Variants in CTNND2 observed in about 807,000 individuals in gnomAD.
CTNND2 encodes the protein catenin delta 2.
A neutral mutation model predicts 144.4 loss-of-function variants in CTNND2; 22 were observed. The ratio of observed to expected loss-of-function variants is 0.15; its 90% CI spans 0.11 to 0.22. The LOEUF is 0.22. CTNND2 is among the 10% of genes least tolerant of loss of function. The pLI, the probability that CTNND2 is intolerant of heterozygous loss-of-function variation, is 1.00. For synonymous variants in CTNND2, 751 were observed against 695.6 expected (o/e 1.08, Z -1.25); for missense variants, 1,353 against 1,618.8 (o/e 0.84, Z 2.82).
At chr5:11,643,583 G>A (rs1782182816) in intron 2 of CTNND2, among the ~76,000 whole-genome samples, 1 of 151,700 alleles carries the variant, frequency 6.6e-6, no homozygotes, top group South Asian at 2.1e-4. Flanking sequence ...TTTTATGGCT[G>A]CATAGTATTC....
At chr5:11,672,610 G>C (rs1051643091) in intron 2 of CTNND2, among the ~76,000 whole-genome samples, 1 of 152,098 alleles carries the variant, frequency 6.6e-6, no homozygotes, top group African/African-American at 2.4e-5. Context: ...CAGCAATGGC[G>C]GACGCCCCTC....
intron 2 of CTNND2, among the ~76,000 whole-genome samples, chr5:11,566,362 G>C (rs1272567428): frequency 6.6e-6 from 1 of 152,124 alleles, no homozygotes; most frequent in East Asian, 1.9e-4. Flanking sequence ...CAAGATCTCG[G>C]CTGAATGTAT....
At chr5:11,750,394 G>A (rs1168559741) in intron 1 of CTNND2, among the ~76,000 whole-genome samples, 2 of 151,880 alleles carry the variant, frequency 1.3e-5, no homozygotes, top group African/African-American at 4.8e-5. Flanking sequence ...TCTACCCACA[G>A]AGGATATGTT....
Position 11,184,883 on chromosome 5 carries a change from C to T in CTNND2, c.1975+14565G>A, listed in dbSNP as rs959271118. The stretch of plus-strand genomic sequence containing the variant: ...GGCAAATATGGATGGAAGGAGAAGA[C>T]CAGACTGTTTGAACCCGCAGCACTC... On this transcript the variant is annotated intron_variant, in intron 11 of 21. Transcript: ENST00000304623. Among the ~76,000 whole-genome samples the T allele has an allele frequency of 3.3e-5, 5 of 152,124 alleles. 1 individual carries two copies. The highest frequency in any genetic ancestry group is 1.3e-4 in the Admixed American group (2 of 15,276).
intron 1 of CTNND2, among the ~76,000 whole-genome samples, chr5:11,778,811 C>T (rs529834015): frequency 4.6e-5 from 7 of 152,228 alleles, no homozygotes; most frequent in South Asian, 4.2e-4. Flanking sequence ...ATTAATCATG[C>T]CAAATGTACC....
chr5:11,554,754 C>T (rs932412488), intron 3 of CTNND2, among the ~76,000 whole-genome samples: 42 of 151,954 alleles, frequency 2.8e-4, no homozygotes, highest in African/African-American at 9.2e-4. Flanking sequence ...GTTCCACATT[C>T]GGAGGACATC....
At chr5:11,786,382 T>C (rs1368709744) in intron 1 of CTNND2, among the ~76,000 whole-genome samples, 1 of 152,236 alleles carries the variant, frequency 6.6e-6, no homozygotes, top group African/African-American at 2.4e-5. Flanking sequence ...TTTCCCAAGA[T>C]GCTCTCTGTC....
At chr5:11,767,082 T>G (rs192114005) in intron 1 of CTNND2, among the ~76,000 whole-genome samples, 1 of 152,136 alleles carries the variant, frequency 6.6e-6, no homozygotes, top group South Asian at 2.1e-4. Flanking sequence ...CCAGCAGCAT[T>G]AGCTATCATC....
chr5:11,519,563 G>A (rs540613457), intron 3 of CTNND2, among the ~76,000 whole-genome samples: 2 of 150,622 alleles, frequency 1.3e-5, no homozygotes, highest in South Asian at 2.1e-4. Context: ...AGGCCTAGAC[G>A]ATTGGCGTCT....
Position 11,761,100 on chromosome 5 carries a change from C to T in CTNND2, c.38-28828G>A, listed in dbSNP as rs115756937. ...ATGATGTCAATAATTCCACCAAAGA[C>T]GATACCGAGTGTTGAAGGGCTCTTT... is the stretch of plus-strand genomic sequence containing the variant. On this transcript the variant is annotated intron_variant, in intron 1 of 21. Transcript: ENST00000304623. Among the ~76,000 whole-genome samples, 601 of 152,236 alleles carry T rather than the reference C, an allele frequency of 3.9e-3. 4 individuals carry two copies. Among genetic ancestry groups the T allele is most frequent in the African/African-American group, 0.013 (557 of 41,542 alleles).
rs535414776 is a variant in CTNND2, at chr5:11,198,003, C to T, written c.1975+1445G>A. 1.8e-4 allele frequency among the ~76,000 whole-genome samples: 28 copies of T among 152,298 alleles called. 1 individual carries two copies. Among genetic ancestry groups the T allele is most frequent in the African/African-American group, 5.3e-4 (22 of 41,568 alleles). ...CTTCCTTTCTCGTGGCTTCATGTAT[C>T]TGTTGGTGGAGTCTTACTGCACGGA... On this transcript the variant is annotated intron_variant, in intron 11 of 21. Coordinates refer to ENST00000304623, the MANE Select transcript of CTNND2 (RefSeq NM_001332.4).
At chr5:11,803,994 G>T (rs1002960334) in intron 1 of CTNND2, among the ~76,000 whole-genome samples, 3 of 151,972 alleles carry the variant, frequency 2.0e-5, no homozygotes, top group Non-Finnish European at 2.9e-5. Context: ...TTAGCCACTG[G>T]CCTCTGTTCT....
chr5:11,142,682 C>T (rs538293213), intron 12 of CTNND2, among the ~76,000 whole-genome samples: 9 of 148,448 alleles, frequency 6.1e-5, no homozygotes, highest in East Asian at 2.0e-4. Context: ...GGCGCGATCT[C>T]GACTCACTGC....
chr5:11,880,145 C>T (rs1026899019), intron 1 of CTNND2, among the ~76,000 whole-genome samples: 1 of 152,132 alleles, frequency 6.6e-6, no homozygotes, highest in Non-Finnish European at 1.5e-5. Context: ...CATCCTGATA[C>T]ACAACCCCCC....
intron 11 of CTNND2, among the ~76,000 whole-genome samples, chr5:11,181,016 T>TGTTTGGGCAG (rs1760944170): frequency 6.6e-6 from 1 of 152,058 alleles, no homozygotes; most frequent in Non-Finnish European, 1.5e-5. Context: ...GTCTGGGATG[T>TGTTTGGGCAG]GTTTGGGCAG....
chr5:11,411,728 A>G (rs1332904410), intron 4 of CTNND2, 76 bp from the exon 5 acceptor site: 4 of 926,688 alleles, frequency 4.3e-6, no homozygotes, highest in African/African-American at 3.3e-5. Flanking sequence ...TCATTTAATC[A>G]TGGAAAATAT....
At chr5:11,662,269 G>T (rs888265732) in intron 2 of CTNND2, among the ~76,000 whole-genome samples, 3 of 116,174 alleles carry the variant, frequency 2.6e-5, no homozygotes, top group Middle Eastern at 7.2e-3. Flanking sequence ...ATATGTGTGT[G>T]TGTGTATATA....
chr5:11,204,506 G>A (rs1737834740), intron 10 of CTNND2, among the ~76,000 whole-genome samples: 1 of 152,086 alleles, frequency 6.6e-6, no homozygotes, highest in Non-Finnish European at 1.5e-5. Flanking sequence ...AAATGGATAG[G>A]TAATTAAATT....
intron 1 of CTNND2, among the ~76,000 whole-genome samples, chr5:11,753,074 T>TG (rs1788716457): frequency 6.6e-6 from 1 of 151,936 alleles, no homozygotes. Context: ...CTACGAGCTC[T>TG]GGGGCAGAGA....
Sources: gnomAD v4.1 joint callset for allele counts (sites outside exome capture counted in the v4.1 genomes callset) on GRCh38, gnomAD v4.1.1 for gene constraint, MANE v1.5 for transcripts, NCBI Gene and HGNC (gene_info 2026-07-23, HGNC 2026-07-21) for gene names.